The following GPHN variants were observed in gnomAD, a reference collection of about 807,000 sequenced individuals.
The protein encoded by GPHN is gephyrin.
In GPHN, 17 loss-of-function variants were observed where a neutral mutation model predicts 95.5. That is an observed-to-expected ratio of 0.18 (90% CI 0.12 to 0.27). The LOEUF is 0.27. GPHN is among the 10% of genes least tolerant of loss of function. The pLI is 1.00. For missense variants in GPHN, 660 were observed against 978.1 expected (o/e 0.67, Z 4.34); for synonymous variants, 320 against 322.5 (o/e 0.99, Z 0.08).
intron 16 of GPHN, among the ~76,000 whole-genome samples, chr14:67,120,865 G>A (rs76164920): frequency 2.6e-5 from 4 of 152,158 alleles, no homozygotes; most frequent in East Asian, 1.9e-4. Context: ...GTAAGTATTC[G>A]AAGGGAAGAC....
At chr14:66,788,810 C>T (rs2059874554) in intron 3 of GPHN, among the ~76,000 whole-genome samples, 1 of 152,098 alleles carries the variant, frequency 6.6e-6, no homozygotes, top group Non-Finnish European at 1.5e-5. Context: ...GCGCCCGCCA[C>T]CAGGCCTGGC....
chr14:66,821,923 T>C (rs1229270738), intron 3 of GPHN, among the ~76,000 whole-genome samples: 1 of 152,192 alleles, frequency 6.6e-6, no homozygotes, highest in Non-Finnish European at 1.5e-5. Context: ...AGAAAAACTT[T>C]AGTAATATTA....
the GPHN span, among the ~76,000 whole-genome samples, chr14:67,306,619 T>C: frequency 1.3e-5 from 2 of 152,084 alleles, no homozygotes; most frequent in African/African-American, 2.4e-5. Flanking sequence ...TCCGCCCACC[T>C]TGGCCTCCCA....
chr14:67,692,584 A>G, the GPHN span: 1 of 1,574,140 alleles, frequency 6.4e-7, no homozygotes, highest in Non-Finnish European at 8.6e-7. Context: ...AGCTAAATAT[A>G]CTCGAGCTCC....
the GPHN span, among the ~76,000 whole-genome samples, chr14:67,676,090 T>G: frequency 1.3e-5 from 2 of 152,178 alleles, no homozygotes; most frequent in Non-Finnish European, 2.9e-5. Flanking sequence ...GAGAAGACCC[T>G]ATCTCAAAAA....
chr14:67,588,646 G>A, the GPHN span: 1 of 152,326 alleles, frequency 6.6e-6, no homozygotes, highest in South Asian at 2.1e-4. Context: ...TTCATACTCT[G>A]ATTTTCCAAC....
At chr14:66,649,175 A>G (rs1376712695) in intron 1 of GPHN, among the ~76,000 whole-genome samples, 1 of 152,122 alleles carries the variant, frequency 6.6e-6, no homozygotes, top group Non-Finnish European at 1.5e-5. Flanking sequence ...CTACTAAAAT[A>G]CAATCGAAAT....
At chr14:67,405,224 C>CAAAAA in the GPHN span, among the ~76,000 whole-genome samples, 94 of 39,046 alleles carry the variant, frequency 2.4e-3, no homozygotes, top group Non-Finnish European at 3.6e-3. Context: ...GAGTCCATCT[C>CAAAAA]AAAAAAAAAA....
At chr14:66,924,731 A>AT (rs748039820) in intron 8 of GPHN, among the ~76,000 whole-genome samples, 5 of 151,002 alleles carry the variant, frequency 3.3e-5, no homozygotes, top group South Asian at 2.1e-4. Context: ...TTTGCATCTC[A>AT]TTTTTTTTTC....
At chr14:67,464,154 C>T in the GPHN span, among the ~76,000 whole-genome samples, 1 of 152,084 alleles carries the variant, frequency 6.6e-6, no homozygotes, top group East Asian at 1.9e-4. Context: ...TGCAATCTAC[C>T]CCAGGGTAGG....
chr14:66,732,734 C>G (rs2071893571), intron 2 of GPHN, among the ~76,000 whole-genome samples: 1 of 152,134 alleles, frequency 6.6e-6, no homozygotes, highest in Non-Finnish European at 1.5e-5. Flanking sequence ...CCAGGCTGCT[C>G]TTGAACTCCT....
the GPHN span, among the ~76,000 whole-genome samples, chr14:67,577,065 A>C: frequency 6.6e-6 from 1 of 152,018 alleles, no homozygotes; most frequent in African/African-American, 2.4e-5. Flanking sequence ...GACACCCACA[A>C]CCTTGCACAC....
At chr14:67,195,564 A>C in the GPHN span, among the ~76,000 whole-genome samples, 1 of 152,194 alleles carries the variant, frequency 6.6e-6, no homozygotes, top group African/African-American at 2.4e-5. Context: ...CAAAATGTGC[A>C]CTCTTTCACT....
In GPHN at chr14:66,508,513, A is replaced by C. The variant is rs779166429; in HGVS notation, c.-15A>C. The C allele has an allele frequency of 5.0e-6, 8 of 1,613,496 alleles. No homozygotes were observed. Among genetic ancestry groups the C allele is most frequent in the Non-Finnish European group, 6.8e-6 (8 of 1,179,444 alleles). On this transcript the variant is annotated 5_prime_UTR_variant, in exon 1 of 23. Coordinates refer to ENST00000478722, the MANE Select transcript of GPHN (RefSeq NM_020806.5). ...TCTCCCGGCTCCTGTCAGTGCGGTG[A>C]CTGCGCTGGGAAACATGGCGACCGA...
the GPHN span, chr14:67,600,371 T>C: frequency 5.2e-6 from 3 of 571,450 alleles, no homozygotes; most frequent in Non-Finnish European, 8.9e-6. Context: ...CTGATGGTTG[T>C]GCGTTCTTCC....
intron 2 of GPHN, among the ~76,000 whole-genome samples, chr14:66,700,932 T>A (rs915347737): frequency 6.7e-6 from 1 of 149,498 alleles, no homozygotes; most frequent in South Asian, 2.1e-4. Flanking sequence ...AAAAAAAAAC[T>A]ATATTATTTC....
chr14:66,775,485 A>T (rs2059348615), intron 2 of GPHN, among the ~76,000 whole-genome samples: 1 of 152,212 alleles, frequency 6.6e-6, no homozygotes, highest in South Asian at 2.1e-4. Flanking sequence ...TAACTTTAAT[A>T]ATATATTTAA....
chr14:66,790,757 C>T (rs1456687337), intron 3 of GPHN, among the ~76,000 whole-genome samples: 1 of 152,204 alleles, frequency 6.6e-6, no homozygotes, highest in Non-Finnish European at 1.5e-5. Flanking sequence ...AAGTCCCACC[C>T]ATTGCAGTGA....
At chr14:67,572,292 G>T in the GPHN span, 1 of 1,578,674 alleles carries the variant, frequency 6.3e-7, no homozygotes, top group South Asian at 1.2e-5. Flanking sequence ...GCCGGGAAAC[G>T]GGCGGGGGCA....
Sources: gnomAD v4.1 joint callset for allele counts (sites outside exome capture counted in the v4.1 genomes callset) on GRCh38, gnomAD v4.1.1 for gene constraint, MANE v1.5 for transcripts, NCBI Gene and HGNC (gene_info 2026-07-23, HGNC 2026-07-21) for gene names.